BTLA: variants seen among roughly 807,000 people sequenced by gnomAD.
BTLA encodes B and T lymphocyte associated.
In BTLA, 11 loss-of-function variants were observed where a neutral mutation model predicts 25.0. The ratio of observed to expected loss-of-function variants is 0.44; its 90% confidence interval spans 0.28 to 0.73. The LOEUF is 0.73. BTLA is among the 30% of genes least tolerant of loss of function. The probability of loss-of-function intolerance (pLI) is 0.15; values close to 1 mark genes in which losing one functional copy is unlikely to be tolerated. For missense variants in BTLA, 282 were observed against 332.8 expected (o/e 0.85, Z 1.19); for synonymous variants, 104 against 119.8 (o/e 0.87, Z 0.86).
rs1484088538 is a variant in BTLA, at chr3:112,469,774, C to T, written c.578G>A (p.Gly193Glu). 1 of 1,606,090 alleles carries T rather than the reference C, an allele frequency of 6.2e-7. No individual in the cohort carries two copies. The highest frequency in any genetic ancestry group is 1.7e-5 in the Admixed American group (1 of 59,198). ...GKQNELSDTAGREINLVDAHL... is the reference protein window; with the variant it reads ...GKQNELSDTAEREINLVDAHL... ...CAAGCTTACCAGGTTAATTTCCCTT[C>T]CTGCTGTGTCAGAGAGTTCATTTTG... Residue 193 changes from glycine to glutamate, a missense_variant, in exon 4 of 5, where the codon GGA (glycine) becomes GAA (glutamate). Gly to Glu is a moderately conservative substitution (Grantham distance 98, BLOSUM62 -2). Coordinates refer to ENST00000334529, the MANE Select transcript of BTLA (RefSeq NM_181780.4).
Position 112,465,979 on chromosome 3 carries a change from G to A in BTLA, c.*129C>T. The A allele has an allele frequency of 9.5e-7, 1 of 1,055,222 alleles. No homozygotes were observed. The highest frequency in any genetic ancestry group is 2.0e-5 in the South Asian group (1 of 49,948). 65.4% of individuals were successfully genotyped at this position (1,055,222 alleles called of 1,614,324 possible). A position where few individuals can be genotyped will look rare whatever the true frequency, so the allele number is the denominator to read the frequency against. On this transcript the variant is annotated 3_prime_UTR_variant, in exon 5 of 5. Coordinates refer to ENST00000334529, the MANE Select transcript of BTLA (RefSeq NM_181780.4). ...TATCCTATGGACCCTTAAGACCCAA[G>A]CACTAACATGAACATTTCTAAAGTA... is the stretch of plus-strand genomic sequence containing the variant.
intron 1 of BTLA, 41 bp from the exon 2 acceptor site, chr3:112,479,810 T>C: frequency 1.4e-6 from 2 of 1,468,170 alleles, no homozygotes; most frequent in Non-Finnish European, 1.8e-6. Context: ...TATGTTCTTC[T>C]GGAAGTACCA....
At chr3:112,475,988 A>G (rs1441088175) in intron 2 of BTLA, among the ~76,000 whole-genome samples, 2 of 152,286 alleles carry the variant, frequency 1.3e-5, no homozygotes, top group Middle Eastern at 3.4e-3. Flanking sequence ...TTCATTCCAT[A>G]CATCCTTAAT....
At chr3:112,469,959 A>C in intron 3 of BTLA, 155 bp from the exon 4 acceptor site, 1 of 581,708 alleles carries the variant, frequency 1.7e-6, no homozygotes, top group Non-Finnish European at 3.1e-6. Flanking sequence ...TGTTTGTGAT[A>C]ATTCACACTG....
chr3:112,468,788 T>A (rs78372052), intron 4 of BTLA, among the ~76,000 whole-genome samples: 3,308 of 152,290 alleles, frequency 0.022, 89 homozygotes, highest in East Asian at 0.072. Flanking sequence ...CTTAGCACCC[T>A]ACACAGTGCC....
chr3:112,493,763 A>C (rs1029722127), intron 1 of BTLA, among the ~76,000 whole-genome samples: 6 of 152,128 alleles, frequency 3.9e-5, no homozygotes, highest in African/African-American at 1.2e-4. Context: ...CAGCTTCCTG[A>C]AGTGCTGGGA....
intron 1 of BTLA, among the ~76,000 whole-genome samples, chr3:112,486,409 T>G (rs1467230773): frequency 6.6e-6 from 1 of 152,000 alleles, no homozygotes; most frequent in Non-Finnish European, 1.5e-5. Context: ...ATATAGACAA[T>G]GAATATTTTC....
rs2107332192 is a variant in BTLA, at chr3:112,488,253, A to G, written c.89-8484T>C. Among the ~76,000 whole-genome samples, 2 of 123,830 alleles carry G rather than the reference A, an allele frequency of 1.6e-5. 1 individual carries two copies. The highest frequency in any genetic ancestry group is 5.0e-4 in the South Asian group (2 of 3,992). The allele number at this position is 123,830 out of a possible 152,430, so 81.2% of individuals were successfully genotyped here. ...CTTTTTTTTTTTTTTTTTGAGACAG[A>G]GTCTCGCTCTGTCGCCCAGGCTGGA... On this transcript the variant is annotated intron_variant, in intron 1 of 4. Coordinates refer to ENST00000334529, the MANE Select transcript of BTLA (RefSeq NM_181780.4).
chr3:112,495,777 G>A (rs920779909), intron 1 of BTLA, among the ~76,000 whole-genome samples: 1 of 152,166 alleles, frequency 6.6e-6, no homozygotes, highest in African/African-American at 2.4e-5. Flanking sequence ...TTCAAGGAAT[G>A]ATATTTTTTG....
intron 2 of BTLA, among the ~76,000 whole-genome samples, chr3:112,477,960 A>G (rs2082297855): frequency 6.6e-6 from 1 of 151,854 alleles, no homozygotes; most frequent in Non-Finnish European, 1.5e-5. Context: ...TGGACTCTCA[A>G]TTCTATTTAC....
At chr3:112,474,744 T>C (rs1006991681) in intron 2 of BTLA, among the ~76,000 whole-genome samples, 2 of 152,126 alleles carry the variant, frequency 1.3e-5, no homozygotes, top group Non-Finnish European at 2.9e-5. Context: ...AGAATTTCCA[T>C]AGGTGGAGAC....
intron 1 of BTLA, among the ~76,000 whole-genome samples, chr3:112,488,425 G>A (rs200024866): frequency 1.3e-5 from 2 of 151,862 alleles, no homozygotes; most frequent in Non-Finnish European, 2.9e-5. Context: ...GGTTTTACCC[G>A]GTTAACCAGG....
chr3:112,490,637 AC>A (rs2082374998), intron 1 of BTLA, among the ~76,000 whole-genome samples: 1 of 151,476 alleles, frequency 6.6e-6, no homozygotes, highest in Non-Finnish European at 1.5e-5. Context: ...ACACACACAC[AC>A]ACAATGTAAA....
intron 4 of BTLA, among the ~76,000 whole-genome samples, chr3:112,468,393 G>A (rs1257396695): frequency 1.3e-5 from 2 of 152,104 alleles, no homozygotes; most frequent in Non-Finnish European, 2.9e-5. Flanking sequence ...CTAGTTTTAT[G>A]TTAAGAAATA....
intron 2 of BTLA, among the ~76,000 whole-genome samples, chr3:112,477,886 C>T (rs1403175054): frequency 2.0e-5 from 3 of 152,022 alleles, no homozygotes; most frequent in African/African-American, 7.2e-5. Context: ...CTATTCTTTC[C>T]CCACTGAATA....
chr3:112,491,669 T>C (rs2082380754), intron 1 of BTLA, among the ~76,000 whole-genome samples: 1 of 152,168 alleles, frequency 6.6e-6, no homozygotes, highest in African/African-American at 2.4e-5. Context: ...GCTTGGCACA[T>C]AACAACAACA....
At chr3:112,482,122 C>T (rs2082321112) in intron 1 of BTLA, among the ~76,000 whole-genome samples, 1 of 152,172 alleles carries the variant, frequency 6.6e-6, no homozygotes, top group Non-Finnish European at 1.5e-5. Context: ...AGGCTAAGCA[C>T]GTGATCCTAA....
rs2082223209 is a variant in BTLA, at chr3:112,466,003, T to TA, written c.*104dup. 4.6e-6 allele frequency: 6 copies of TA among 1,297,354 alleles called. No individual in the cohort carries two copies. The highest frequency in any genetic ancestry group is 4.2e-6 in the Non-Finnish European group (4 of 953,180). 80.4% of individuals were successfully genotyped at this position (1,297,354 alleles called of 1,614,324 possible). A position where few individuals can be genotyped will look rare whatever the true frequency, so the allele number is the denominator to read the frequency against. On this transcript the variant is annotated 3_prime_UTR_variant, in exon 5 of 5. Transcript: ENST00000334529. ...AGCACTAACATGAACATTTCTAAAG[T>TA]AAAAATTCTCAAATTGAGAAATATT...
In BTLA at chr3:112,465,323, A is replaced by T. The variant is rs887881361; in HGVS notation, c.*785T>A. 1 of 152,642 alleles carries T rather than the reference A, an allele frequency of 6.6e-6. No homozygotes were observed. Among genetic ancestry groups the T allele is most frequent in the African/African-American group, 2.4e-5 (1 of 41,462 alleles). 9.5% of individuals were successfully genotyped at this position (152,642 alleles called of 1,614,324 possible). A position where few individuals can be genotyped will look rare whatever the true frequency, so the allele number is the denominator to read the frequency against. On this transcript the variant is annotated 3_prime_UTR_variant, in exon 5 of 5. Transcript: ENST00000334529. ...ATTCTGACTAACTTTTAAACTATTC[A>T]GATGCCCATAAGTATATTAATTCAG... is the stretch of plus-strand genomic sequence containing the variant.
Sources: gnomAD v4.1 joint callset for allele counts (sites outside exome capture counted in the v4.1 genomes callset) on GRCh38, gnomAD v4.1.1 for gene constraint, MANE v1.5 for transcripts, NCBI Gene and HGNC (gene_info 2026-07-23, HGNC 2026-07-21) for gene names.